The following CCDC149 variants were observed in gnomAD, a reference collection of about 807,000 sequenced individuals.
The protein encoded by CCDC149 is coiled-coil domain-containing protein 149.
In CCDC149, 45 loss-of-function variants were observed where a neutral mutation model predicts 59.9. The ratio of observed to expected loss-of-function variants is 0.75; its 90% CI spans 0.59 to 0.96. CCDC149 has a LOEUF of 0.96. Among genes scored for constraint, CCDC149 ranks in the 40% least tolerant of loss-of-function variants. The pLI is 0.00. For synonymous variants in CCDC149, 245 were observed against 260.6 expected (o/e 0.94, Z 0.58); for missense variants, 584 against 664.7 (o/e 0.88, Z 1.33).
At chr4:24,818,076 G>A (rs186660434) in intron 12 of CCDC149, among the ~76,000 whole-genome samples, 90 of 152,224 alleles carry the variant, frequency 5.9e-4, no homozygotes, top group African/African-American at 2.0e-3. Context: ...GGAAAACCAG[G>A]AGAAGCCCTC....
At chr4:24,900,076 T>C (rs1047260646) in intron 1 of CCDC149, among the ~76,000 whole-genome samples, 1 of 152,156 alleles carries the variant, frequency 6.6e-6, no homozygotes, top group African/African-American at 2.4e-5. Flanking sequence ...CAATCTAAAT[T>C]AGCCTCCCCT....
intron 1 of CCDC149, among the ~76,000 whole-genome samples, chr4:24,975,692 C>T (rs1013578502): frequency 6.6e-6 from 1 of 151,932 alleles, no homozygotes; most frequent in African/African-American, 2.4e-5. Flanking sequence ...CACTAAGTCC[C>T]GTGTCCACCC....
chr4:24,934,562 T>C (rs865913388), intron 1 of CCDC149, among the ~76,000 whole-genome samples: 15 of 152,308 alleles, frequency 9.8e-5, no homozygotes, highest in Middle Eastern at 3.4e-3. Context: ...TGGCCCAGAC[T>C]CAAGGGTGGA....
chr4:24,917,466 G>C (rs919940160), upstream of CCDC149, among the ~76,000 whole-genome samples: 23 of 152,324 alleles, frequency 1.5e-4, no homozygotes, highest in Middle Eastern at 3.4e-3. Context: ...GGAGACAAGA[G>C]GTGGGGAGGA....
rs11557557 is a variant in CCDC149, at chr4:24,806,782, G to C, written c.*1607C>G. 1 of 153,438 alleles carries C rather than the reference G, an allele frequency of 6.5e-6. No individual in the cohort carries two copies. Among genetic ancestry groups the C allele is most frequent in the African/African-American group, 2.4e-5 (1 of 41,456 alleles). 9.5% of individuals were successfully genotyped at this position (153,438 alleles called of 1,614,324 possible). On this transcript the variant is annotated 3_prime_UTR_variant, in exon 13 of 13. Transcript: ENST00000635206. ...GGTCAATGGGATGTCCTTCTCACCA[G>C]AAGCAACAGAACGCCGACTCCAGCA...
chr4:24,844,893 G>A (rs774548129), intron 4 of CCDC149, among the ~76,000 whole-genome samples: 2 of 152,214 alleles, frequency 1.3e-5, no homozygotes, highest in Non-Finnish European at 2.9e-5. Flanking sequence ...TATCCTAGGT[G>A]CTGATCCCCA....
intron 1 of CCDC149, among the ~76,000 whole-genome samples, chr4:24,973,972 T>C (rs887254399): frequency 2.0e-5 from 3 of 152,254 alleles, no homozygotes; most frequent in African/African-American, 7.2e-5. Context: ...TCAGTGCTTG[T>C]GCACTCGGCT....
chr4:24,974,153 G>A (rs555832636), intron 1 of CCDC149, among the ~76,000 whole-genome samples: 1 of 152,238 alleles, frequency 6.6e-6, no homozygotes, highest in African/African-American at 2.4e-5. Context: ...CCTTTTGACA[G>A]TTTGCTCCCC....
chr4:24,944,793 A>G (rs1723059781), intron 1 of CCDC149, among the ~76,000 whole-genome samples: 1 of 152,172 alleles, frequency 6.6e-6, no homozygotes, highest in Non-Finnish European at 1.5e-5. Flanking sequence ...CTTTTATGCA[A>G]TGACTTGTTT....
chr4:24,870,686 A>G (rs1718986117), intron 3 of CCDC149, among the ~76,000 whole-genome samples: 1 of 152,194 alleles, frequency 6.6e-6, no homozygotes, highest in African/African-American at 2.4e-5. Context: ...AAGTTGTGGA[A>G]TGTGAATTCC....
rs560632251 is a variant in CCDC149 at position 24,905,418 on chromosome 4, T to C, written c.63+7399A>G. ...TTCTTTCTTTTTGCGTGCGTGCGTGTGTGTGTGTGTGTGTGTGTGTGTGTG... is the reference window on the plus strand; with the variant it reads ...TTCTTTCTTTTTGCGTGCGTGCGTGCGTGTGTGTGTGTGTGTGTGTGTGTG... On this transcript the variant is annotated intron_variant, in intron 1 of 12. Transcript: ENST00000635206. Among the ~76,000 whole-genome samples the C allele has an allele frequency of 1.4e-3, 149 of 106,742 alleles. 1 individual carries two copies. In the East Asian group the frequency reaches 0.018, roughly 13 times the overall value. The allele number at this position is 106,742 out of a possible 152,430, so 70.0% of individuals were successfully genotyped here.
At chr4:24,841,968 C>T (rs1257855107) in intron 4 of CCDC149, among the ~76,000 whole-genome samples, 1 of 152,160 alleles carries the variant, frequency 6.6e-6, no homozygotes, top group African/African-American at 2.4e-5. Context: ...TGCTCAATAT[C>T]CCTGCTGGAG....
At chr4:24,829,091 T>G (rs934998233) in intron 9 of CCDC149, 1 of 152,466 alleles carries the variant, frequency 6.6e-6, no homozygotes, top group Non-Finnish European at 1.5e-5. Flanking sequence ...GCTAGTGTCA[T>G]GCTCAGAACT....
At chr4:24,847,623 A>ATT (rs1717385796) in intron 4 of CCDC149, among the ~76,000 whole-genome samples, 1 of 152,208 alleles carries the variant, frequency 6.6e-6, no homozygotes, top group African/African-American at 2.4e-5. Flanking sequence ...ATAAATGATT[A>ATT]AACAATTCGA....
intron 1 of CCDC149, among the ~76,000 whole-genome samples, chr4:24,954,725 T>C (rs1299017027): frequency 6.6e-6 from 1 of 152,218 alleles, no homozygotes; most frequent in African/African-American, 2.4e-5. Flanking sequence ...CCCAAGGTCC[T>C]AGCACTCTGG....
chr4:24,906,402 T>TTTATTTTATTTTATTTTATTTTA (rs1721533182), intron 1 of CCDC149, among the ~76,000 whole-genome samples: 2 of 11,320 alleles, frequency 1.8e-4, no homozygotes. Context: ...TTTATTTTAT[T>TTTATTTTATTTTATTTTATTTTA]TTATTTTACT....
At chr4:24,879,130 C>T (rs528182669) in intron 1 of CCDC149, among the ~76,000 whole-genome samples, 13 of 152,234 alleles carry the variant, frequency 8.5e-5, no homozygotes, top group East Asian at 7.7e-4. Flanking sequence ...TAAAGTAGCT[C>T]GAAGCAGAGC....
downstream of CCDC149, among the ~76,000 whole-genome samples, chr4:24,804,372 TC>T (rs1017172187): frequency 1.3e-5 from 2 of 150,762 alleles, no homozygotes; most frequent in Admixed American, 1.3e-4. Context: ...ATGCCTGTAG[TC>T]CCAGTTACTC....
chr4:24,852,817 A>G (rs1228975049), intron 4 of CCDC149, among the ~76,000 whole-genome samples: 1 of 152,186 alleles, frequency 6.6e-6, no homozygotes, highest in Non-Finnish European at 1.5e-5. Context: ...CACTAAGTTG[A>G]ACATAATGAA....
Sources: gnomAD v4.1 joint callset for allele counts (sites outside exome capture counted in the v4.1 genomes callset) on GRCh38, gnomAD v4.1.1 for gene constraint, MANE v1.5 for transcripts, NCBI Gene and HGNC (gene_info 2026-07-23, HGNC 2026-07-21) for gene names.